CAMK4: variants seen among roughly 807,000 people sequenced by gnomAD.
CAMK4 encodes calcium/calmodulin dependent protein kinase IV.
In CAMK4, 22 loss-of-function variants were observed where a neutral mutation model predicts 44.9. That is an observed-to-expected ratio of 0.49 (90% CI 0.35 to 0.70). The LOEUF (loss-of-function observed/expected upper bound fraction) is 0.70. Ranked by LOEUF, CAMK4 falls within the 30% of genes least tolerant of loss-of-function variation. The pLI is 0.01. For synonymous variants in CAMK4, 218 were observed against 215.4 expected, an observed-to-expected ratio of 1.01 and a Z score of -0.11; for missense variants, 498 against 586.8, an observed-to-expected ratio of 0.85 and a Z score of 1.56.
At position 111,486,767 on chromosome 5, in the gene CAMK4, A is replaced by C. The variant is rs1390446273; in HGVS notation, c.*2301A>C. The C allele has an allele frequency of 6.6e-6, 1 of 152,028 alleles. No individual in the cohort carries two copies. The highest frequency in any genetic ancestry group is 1.5e-5 in the Non-Finnish European group (1 of 68,014). The allele number at this position is 152,028 out of a possible 1,614,324, so 9.4% of individuals were successfully genotyped here. A position where few individuals can be genotyped will look rare whatever the true frequency, so the allele number is the denominator to read the frequency against. ...ATGCCCAATGTGTATTTTAGAATTT[A>C]CTCATTTAAATGAGTGCATATTACC... On this transcript the variant is annotated 3_prime_UTR_variant, in exon 11 of 11. Transcript: ENST00000282356.
intron 1 of CAMK4, among the ~76,000 whole-genome samples, chr5:111,307,116 T>G (rs1747959663): frequency 7.1e-5 from 1 of 14,088 alleles, no homozygotes; most frequent in Non-Finnish European, 1.1e-4. Flanking sequence ...GATTAAAGAT[T>G]TAAACGTTAG....
At chr5:111,423,901 CT>C (rs1753119462) in intron 5 of CAMK4, among the ~76,000 whole-genome samples, 1 of 152,194 alleles carries the variant, frequency 6.6e-6, no homozygotes, top group Admixed American at 6.5e-5. Context: ...TTTACTGAAT[CT>C]TTACACCAAT....
intron 1 of CAMK4, among the ~76,000 whole-genome samples, chr5:111,328,535 C>T (rs542081244): frequency 2.0e-5 from 3 of 151,988 alleles, no homozygotes; most frequent in East Asian, 1.9e-4. Flanking sequence ...TAGTTTTTTC[C>T]GAATCTGTGA....
chr5:111,282,794 A>G (rs1751077886), intron 1 of CAMK4: 1 of 152,220 alleles, frequency 6.6e-6, no homozygotes, highest in Non-Finnish European at 1.5e-5. Context: ...ACCCATCACA[A>G]ATTGAAAGTA....
intron 4 of CAMK4, among the ~76,000 whole-genome samples, chr5:111,380,958 C>A (rs1363931208): frequency 6.6e-6 from 1 of 152,134 alleles, no homozygotes; most frequent in African/African-American, 2.4e-5. Flanking sequence ...AAGGTCTCAA[C>A]TTTAAGCCAG....
At chr5:111,343,441 C>T (rs1257101056) in intron 1 of CAMK4, among the ~76,000 whole-genome samples, 1 of 151,658 alleles carries the variant, frequency 6.6e-6, no homozygotes, top group Admixed American at 6.6e-5. Flanking sequence ...ACCACGTTGT[C>T]CTGCTTTTTA....
chr5:111,379,713 C>A (rs1249005940), intron 4 of CAMK4, among the ~76,000 whole-genome samples: 1 of 151,986 alleles, frequency 6.6e-6, no homozygotes, highest in Non-Finnish European at 1.5e-5. Flanking sequence ...CATTCCTGGT[C>A]TAATGATGAC....
At chr5:111,455,219 C>A (rs1754374207) in intron 7 of CAMK4, among the ~76,000 whole-genome samples, 1 of 152,142 alleles carries the variant, frequency 6.6e-6, no homozygotes, top group African/African-American at 2.4e-5. Flanking sequence ...ATGCAGAAAT[C>A]CCTGTACTTA....
At chr5:111,468,750 C>T (rs773786510) in intron 7 of CAMK4, among the ~76,000 whole-genome samples, 16 of 152,018 alleles carry the variant, frequency 1.1e-4, no homozygotes, top group Non-Finnish European at 7.4e-5. Flanking sequence ...GAGGCCGAGG[C>T]GGGTGGATCA....
rs910792342 is a variant in CAMK4, at chr5:111,224,552, G to A, written c.69G>A (p.Pro23=). 1 of 1,611,344 alleles carries A rather than the reference G, an allele frequency of 6.2e-7. No homozygotes were observed. Among genetic ancestry groups the A allele is most frequent in the Non-Finnish European group, 8.5e-7 (1 of 1,179,252 alleles). Residue 23 remains proline, a synonymous_variant, in exon 1 of 11, where the codon CCG becomes CCA. Coordinates refer to ENST00000282356, the MANE Select transcript of CAMK4 (RefSeq NM_001744.6). The surrounding 1 kb of genome is among the most constrained non-coding windows in gnomAD (Gnocchi z 5.7). Reference sequence around the variant, plus strand: ...CTTCGGTCACCGCCAGTGCGGCCCCGGGGACCGCGAGCCTCGTCCCGGATT... The same window carrying A: ...CTTCGGTCACCGCCAGTGCGGCCCCAGGGACCGCGAGCCTCGTCCCGGATT... ...SCSSVTASAA[P]GTASLVPDYW... is the part of the protein sequence containing the mutation.
At chr5:111,276,754 C>G (rs771413213) in intron 1 of CAMK4, among the ~76,000 whole-genome samples, 1 of 151,908 alleles carries the variant, frequency 6.6e-6, no homozygotes, top group East Asian at 1.9e-4. Context: ...CATTTTGATC[C>G]CATCTCTTGC....
chr5:111,249,360 C>T (rs1749375646), intron 1 of CAMK4, among the ~76,000 whole-genome samples: 1 of 151,568 alleles, frequency 6.6e-6, no homozygotes, highest in Non-Finnish European at 1.5e-5. Flanking sequence ...TAAAATATAA[C>T]TGAAACTGAA....
intron 2 of CAMK4, among the ~76,000 whole-genome samples, chr5:111,370,848 G>T (rs551771233): frequency 8.5e-5 from 13 of 152,264 alleles, no homozygotes; most frequent in South Asian, 2.1e-4. Flanking sequence ...TTGGGAGGCA[G>T]AGGTTGCAGT....
chr5:111,439,226 G>C (rs1182390460), intron 5 of CAMK4, among the ~76,000 whole-genome samples: 1 of 152,186 alleles, frequency 6.6e-6, no homozygotes, highest in Non-Finnish European at 1.5e-5. Flanking sequence ...ATAAGCAGGG[G>C]AGTGCCATAT....
At chr5:111,400,003 A>T (rs909057050) in intron 5 of CAMK4, among the ~76,000 whole-genome samples, 10 of 152,222 alleles carry the variant, frequency 6.6e-5, no homozygotes, top group Non-Finnish European at 1.5e-4. Context: ...CCAAGAAGGG[A>T]TGTTCCAGAT....
chr5:111,341,731 C>A (rs1405796492), intron 1 of CAMK4, among the ~76,000 whole-genome samples: 13 of 151,232 alleles, frequency 8.6e-5, no homozygotes, highest in African/African-American at 2.9e-4. Flanking sequence ...CACATTTACT[C>A]TTTACAATTC....
intron 1 of CAMK4, among the ~76,000 whole-genome samples, chr5:111,305,333 AATTG>A: frequency 6.2e-5 from 2 of 32,044 alleles, no homozygotes; most frequent in African/African-American, 1.4e-4. Flanking sequence ...GGATCAACAA[AATTG>A]ATAGACCACT....
chr5:111,241,257 T>C (rs1748977003), intron 1 of CAMK4, among the ~76,000 whole-genome samples: 1 of 152,188 alleles, frequency 6.6e-6, no homozygotes, highest in African/African-American at 2.4e-5. Flanking sequence ...ATGTCTTCCT[T>C]GCTCAGTTTC....
At chr5:111,312,658 A>G (rs1484943090) in intron 1 of CAMK4, among the ~76,000 whole-genome samples, 4 of 152,148 alleles carry the variant, frequency 2.6e-5, no homozygotes, top group Non-Finnish European at 5.9e-5. Context: ...TACTTCAACC[A>G]CAAATTAAAT....
Sources: allele counts gnomAD v4.1 joint callset (sites outside exome capture counted in the v4.1 genomes callset), GRCh38; gene constraint gnomAD v4.1.1; non-coding constraint Gnocchi (gnomAD v3.1); transcripts MANE v1.5; gene names NCBI Gene and HGNC (gene_info 2026-07-23, HGNC 2026-07-21).